The following NALF1 variants were observed in gnomAD, a reference collection of about 807,000 sequenced individuals.
The protein encoded by NALF1 is NALCN channel auxiliary factor 1.
NALF1 carries 3 observed loss-of-function variants against 48.4 expected under a neutral mutation model. That is an observed-to-expected ratio of 0.06 (90% confidence interval 0.03 to 0.16). The LOEUF (loss-of-function observed/expected upper bound fraction) is 0.16, where lower values mean the gene tolerates loss of function less well. Ranked by LOEUF, NALF1 falls within the 10% of genes least tolerant of loss-of-function variation. The probability of loss-of-function intolerance (pLI) is 1.00; values close to 1 mark genes in which losing one functional copy is unlikely to be tolerated. For missense variants in NALF1, 526 were observed against 571.5 expected, an observed-to-expected ratio of 0.92 and a Z score of 0.81; for synonymous variants, 262 against 245.7, an observed-to-expected ratio of 1.07 and a Z score of -0.62.
chr13:107,489,101 A>T (rs955896654), intron 1 of NALF1, among the ~76,000 whole-genome samples: 1 of 152,156 alleles, frequency 6.6e-6, no homozygotes, highest in African/African-American at 2.4e-5. Flanking sequence ...AACTACAAAC[A>T]ACTGCTCAAA....
rs906776367 is a variant in NALF1, at chr13:107,867,058, C to A, written c.-462G>T. 1.3e-5 allele frequency among the ~76,000 whole-genome samples: 2 copies of A among 151,678 alleles called. No homozygotes were observed. The highest frequency in any genetic ancestry group is 2.9e-5 in the Non-Finnish European group (2 of 67,878). The stretch of plus-strand genomic sequence containing the variant: ...GTCCCCATGGCCCCGCGGAGCCCAG[C>A]CCGCTCTCCCCTGCCAGGGGCATGC... On this transcript the variant is annotated 5_prime_UTR_variant, in exon 1 of 3. Transcript: ENST00000375915. The surrounding 1 kb of genome is among the most constrained non-coding windows in gnomAD (Gnocchi z 4.4).
At chr13:107,549,106 C>T (rs376820753) in intron 1 of NALF1, among the ~76,000 whole-genome samples, 3 of 152,222 alleles carry the variant, frequency 2.0e-5, no homozygotes, top group South Asian at 2.1e-4. Flanking sequence ...ACCTTACAAA[C>T]ATGTTCTTTT....
chr13:107,758,233 C>T (rs773366242), intron 1 of NALF1, among the ~76,000 whole-genome samples: 3 of 152,156 alleles, frequency 2.0e-5, no homozygotes, highest in Admixed American at 6.5e-5. Flanking sequence ...CCTCCATACA[C>T]GACTATTTCT....
At chr13:107,590,799 G>A (rs957932151) in intron 1 of NALF1, among the ~76,000 whole-genome samples, 2 of 151,902 alleles carry the variant, frequency 1.3e-5, no homozygotes, top group African/African-American at 4.8e-5. Flanking sequence ...AAGAGGCCAA[G>A]CACCTTTCTC....
At chr13:107,280,500 T>C (rs539941114) in intron 1 of NALF1, among the ~76,000 whole-genome samples, 3 of 152,294 alleles carry the variant, frequency 2.0e-5, no homozygotes, top group East Asian at 1.9e-4. Flanking sequence ...TATTTCCTCA[T>C]TGACTGAATG....
intron 1 of NALF1, among the ~76,000 whole-genome samples, chr13:107,504,570 C>G (rs1334474238): frequency 1.3e-5 from 2 of 152,072 alleles, no homozygotes; most frequent in African/African-American, 4.8e-5. Context: ...AACTCAATTC[C>G]TTTATTCGTT....
chr13:107,801,718 T>C (rs947707515), intron 1 of NALF1, among the ~76,000 whole-genome samples: 1 of 152,168 alleles, frequency 6.6e-6, no homozygotes, highest in African/African-American at 2.4e-5. Flanking sequence ...ATATCCTAAT[T>C]AACATTGATA....
rs117434256 is a variant in NALF1, at chr13:107,388,650, A to G, written c.916-177895T>C. 5.6e-4 allele frequency among the ~76,000 whole-genome samples: 86 copies of G among 152,318 alleles called. No individual in the cohort carries two copies. In the East Asian group the frequency reaches 0.015, roughly 26 times the overall value. ...AGAGACACTGCAGGTTTTCCAATGA[A>G]TGTTCTTTAAGCAAGTAAGTGTACT... On this transcript the variant is annotated intron_variant, in intron 1 of 2. Coordinates refer to ENST00000375915, the MANE Select transcript of NALF1 (RefSeq NM_001080396.3).
In NALF1 at chr13:107,170,007, TTTG is replaced by T. The variant is rs891047009; in HGVS notation, c.*487_*489del. The T allele has an allele frequency of 6.5e-6, 1 of 152,758 alleles. No homozygotes were observed. Among genetic ancestry groups the T allele is most frequent in the African/African-American group, 2.4e-5 (1 of 41,450 alleles). 9.5% of individuals were successfully genotyped at this position (152,758 alleles called of 1,614,324 possible). On this transcript the variant is annotated 3_prime_UTR_variant, in exon 3 of 3. Transcript: ENST00000375915. ...TGTCTTTTTTATTTTTTATTCTTTT[TTTG>T]TTGTTGTTTTTTGCTATACCATGAG...
intron 1 of NALF1, among the ~76,000 whole-genome samples, chr13:107,596,338 T>G (rs915110509): frequency 1.3e-5 from 2 of 152,182 alleles, no homozygotes; most frequent in Non-Finnish European, 2.9e-5. Flanking sequence ...CCCAAAGGAT[T>G]ATAAATAATT....
intron 1 of NALF1, among the ~76,000 whole-genome samples, chr13:107,501,092 T>TA (rs1875506993): frequency 6.6e-6 from 1 of 151,678 alleles, no homozygotes; most frequent in African/African-American, 2.4e-5. Context: ...CCCTAAAACT[T>TA]AAAGTATAAT....
chr13:107,659,126 C>CACACACACAG (rs1191786368), intron 1 of NALF1, among the ~76,000 whole-genome samples: 1 of 151,648 alleles, frequency 6.6e-6, no homozygotes, highest in East Asian at 1.9e-4. Context: ...CACACACACA[C>CACACACACAG]ACACACACAC....
chr13:107,225,187 T>G (rs1232477977), intron 1 of NALF1, among the ~76,000 whole-genome samples: 2 of 152,146 alleles, frequency 1.3e-5, no homozygotes, highest in Admixed American at 6.5e-5. Flanking sequence ...TTTTGTATTT[T>G]AAGCAGAGAC....
chr13:107,540,437 A>G (rs1027260661), intron 1 of NALF1, among the ~76,000 whole-genome samples: 1 of 152,086 alleles, frequency 6.6e-6, no homozygotes, highest in Non-Finnish European at 1.5e-5. Context: ...CTCTATCATG[A>G]CCAAAAGGTT....
At chr13:107,777,176 T>C (rs1037267202) in intron 1 of NALF1, among the ~76,000 whole-genome samples, 1 of 152,158 alleles carries the variant, frequency 6.6e-6, no homozygotes, top group African/African-American at 2.4e-5. Context: ...ATAAAGTATC[T>C]TGCACGGCTG....
At chr13:107,447,176 T>G (rs1594067891) in intron 1 of NALF1, among the ~76,000 whole-genome samples, 1 of 152,164 alleles carries the variant, frequency 6.6e-6, no homozygotes, top group Non-Finnish European at 1.5e-5. Context: ...CTCCTTGGCC[T>G]CCTCCTCGTC....
intron 1 of NALF1, among the ~76,000 whole-genome samples, chr13:107,715,824 T>C (rs1419520896): frequency 6.6e-6 from 1 of 152,184 alleles, no homozygotes; most frequent in Non-Finnish European, 1.5e-5. Flanking sequence ...TAAGGAACCT[T>C]TTTTTGAAAT....
intron 1 of NALF1, among the ~76,000 whole-genome samples, chr13:107,392,933 A>G (rs1883651519): frequency 6.6e-6 from 1 of 152,126 alleles, no homozygotes; most frequent in South Asian, 2.1e-4. Context: ...TGAGATTGCA[A>G]GAAGGATCTA....
chr13:107,826,283 T>C (rs1027142530), intron 1 of NALF1, among the ~76,000 whole-genome samples: 17 of 150,608 alleles, frequency 1.1e-4, no homozygotes, highest in Non-Finnish European at 2.2e-4. Flanking sequence ...GTGCATGTAT[T>C]TGTGTGTGTG....
Sources: allele counts gnomAD v4.1 joint callset (sites outside exome capture counted in the v4.1 genomes callset), GRCh38; gene constraint gnomAD v4.1.1; non-coding constraint Gnocchi (gnomAD v3.1); transcripts MANE v1.5; gene names NCBI Gene and HGNC (gene_info 2026-07-23, HGNC 2026-07-21).